The following SSH1 variants were observed in gnomAD, a reference collection of about 807,000 sequenced individuals.
The protein encoded by SSH1 is slingshot protein phosphatase 1, also known as protein phosphatase Slingshot homolog 1.
SSH1 carries 43 observed loss-of-function variants against 79.7 expected under a neutral mutation model. The ratio of observed to expected loss-of-function variants is 0.54; its 90% CI spans 0.42 to 0.70. The LOEUF is 0.70. Among genes scored for constraint, SSH1 ranks in the 30% least tolerant of loss-of-function variants. SSH1 has a pLI of 0.00. For synonymous variants in SSH1, 599 were observed against 538.3 expected (o/e 1.11, Z -1.56); for missense variants, 1,206 against 1,358.8 (o/e 0.89, Z 1.77).
chr12:108,852,690 G>T lies in SSH1; in HGVS notation c.70-12C>A. 1 of 1,614,120 alleles carries T rather than the reference G, an allele frequency of 6.2e-7. No individual in the cohort carries two copies. Among genetic ancestry groups the T allele is most frequent in the Non-Finnish European group, 8.5e-7 (1 of 1,180,032 alleles). On this transcript the variant is annotated splice_polypyrimidine_tract_variant and intron_variant, in intron 1 of 14. Coordinates refer to ENST00000326495, the MANE Select transcript of SSH1 (RefSeq NM_018984.4). ...CTGCCAGCCTCCAACTACAGAGAAAGAAAGAGAATATCACACCACAGGCAC... is the reference window on the plus strand; with the variant it reads ...CTGCCAGCCTCCAACTACAGAGAAATAAAGAGAATATCACACCACAGGCAC...
rs1549087 is a variant in SSH1 at position 108,807,550 on chromosome 12, T to C, written c.731+83A>G. ...CAGGGGAGGTGTGGCCCAATGCAGG[T>C]TCAGGGTCGGGCACAGGGCAGGTGG... On this transcript the variant is annotated intron_variant, in intron 8 of 14. Transcript: ENST00000326495. This position sits in a 1 kb window ranked among gnomAD's most constrained non-coding sequence, Gnocchi z 5.2. The C allele has an allele frequency of 0.089, 123,277 of 1,385,996 alleles. 9,852 individuals are homozygous for C. Among genetic ancestry groups the C allele is most frequent in the Admixed American group, 0.35 (20,323 of 58,228 alleles). 85.9% of individuals were successfully genotyped at this position (1,385,996 alleles called of 1,614,324 possible).
chr12:108,781,750 GAC>G lies in SSH1; in HGVS notation c.*6236_*6237del. 1 of 152,166 alleles carries G rather than the reference GAC, an allele frequency of 6.6e-6. No individual in the cohort carries two copies. The highest frequency in any genetic ancestry group is 1.9e-4 in the East Asian group (1 of 5,192). The allele number at this position is 152,166 out of a possible 1,614,324, so 9.4% of individuals were successfully genotyped here. A position where few individuals can be genotyped will look rare whatever the true frequency, so the allele number is the denominator to read the frequency against. ...AAGTAGAAATGATGTATCGCATCCA[GAC>G]AGAGGAGACTGAGTGAATGTGACTC... is the stretch of plus-strand genomic sequence containing the variant. On this transcript the variant is annotated 3_prime_UTR_variant, in exon 15 of 15. Transcript: ENST00000326495.
rs1039447976 is a variant in SSH1, at chr12:108,807,966, C to T, written c.537-139G>A. The T allele has an allele frequency of 4.4e-5, 34 of 778,570 alleles. No individual in the cohort carries two copies. The Admixed American group carries it at 5.4e-4, about 12-fold the overall frequency. 48.2% of individuals were successfully genotyped at this position (778,570 alleles called of 1,614,324 possible). ...ATTATTTCTTTTTGGGACAGAGTCT[C>T]GCTCTGTCACTCCCAGGCTAGAGTG... On this transcript the variant is annotated intron_variant, in intron 7 of 14. Transcript: ENST00000326495. This position sits in a 1 kb window ranked among gnomAD's most constrained non-coding sequence, Gnocchi z 5.2.
chr12:108,801,735 T>TAAAAAAAAAA (rs1565980475), intron 11 of SSH1, among the ~76,000 whole-genome samples: 2 of 137,186 alleles, frequency 1.5e-5, no homozygotes, highest in African/African-American at 5.2e-5. Flanking sequence ...CTGTGTTGTT[T>TAAAAAAAAAA]TAAAAAAAAA....
At chr12:108,847,920 G>A (rs2038934901) in intron 2 of SSH1, among the ~76,000 whole-genome samples, 1 of 152,220 alleles carries the variant, frequency 6.6e-6, no homozygotes, top group Non-Finnish European at 1.5e-5. Context: ...TTTCTCTGAA[G>A]AGAGGGAAAT....
At position 108,857,234 on chromosome 12, in the gene SSH1, C is replaced by A. The variant is rs2039163185; in HGVS notation, c.69+194G>T. Among the ~76,000 whole-genome samples, 2 of 152,058 alleles carry A rather than the reference C, an allele frequency of 1.3e-5. No homozygotes were observed. The highest frequency in any genetic ancestry group is 1.3e-4 in the Admixed American group (2 of 15,280). On this transcript the variant is annotated intron_variant, in intron 1 of 14. Transcript: ENST00000326495. This position sits in a 1 kb window ranked among gnomAD's most constrained non-coding sequence, Gnocchi z 4.7. ...CACCGCACACAAAGTCCCCGCACAG[C>A]TCCCCAAGACAGGGTCACATCGCAC...
chr12:108,789,362 G>T (rs1401375384), intron 14 of SSH1, 118 bp from the exon 15 acceptor site: 12 of 1,070,432 alleles, frequency 1.1e-5, no homozygotes, highest in Non-Finnish European at 2.8e-6. Context: ...GCCTGGAGGG[G>T]AGGCTCTCAT....
At chr12:108,826,808 C>T (rs544233391) in intron 2 of SSH1, among the ~76,000 whole-genome samples, 14 of 152,196 alleles carry the variant, frequency 9.2e-5, no homozygotes, top group Non-Finnish European at 2.1e-4. Context: ...GGTGATGGCA[C>T]GCTCACTTTA....
chr12:108,791,927 G>T, intron 14 of SSH1: 1 of 1,309,088 alleles, frequency 7.6e-7, no homozygotes. Context: ...GCTGAAGTTG[G>T]CTGATAAATT....
intron 2 of SSH1, among the ~76,000 whole-genome samples, chr12:108,848,146 G>C (rs2038941658): frequency 6.6e-6 from 1 of 152,164 alleles, no homozygotes; most frequent in Non-Finnish European, 1.5e-5. Context: ...GAAGCATCAA[G>C]GGACCAGGGG....
intron 2 of SSH1, among the ~76,000 whole-genome samples, chr12:108,835,977 A>T (rs2038606822): frequency 6.8e-6 from 1 of 147,388 alleles, no homozygotes; most frequent in Non-Finnish European, 1.5e-5. Flanking sequence ...ATATTAATAT[A>T]ATCGATTATA....
intron 2 of SSH1, among the ~76,000 whole-genome samples, chr12:108,850,764 G>A: frequency 7.4e-6 from 1 of 134,816 alleles, no homozygotes; most frequent in East Asian, 2.3e-4. Flanking sequence ...GGGAGTCGGG[G>A]GAGGGGAACC....
Position 108,781,367 on chromosome 12 carries a change from G to T in SSH1, c.*6621C>A, listed in dbSNP as rs1377403008. On this transcript the variant is annotated 3_prime_UTR_variant, in exon 15 of 15. Transcript: ENST00000326495. Reference sequence around the variant, plus strand: ...GCCCAGGAGATCAACACTTCAGTGAGCCATGACTGCCACTGCACTCCAGGC... The same window carrying T: ...GCCCAGGAGATCAACACTTCAGTGATCCATGACTGCCACTGCACTCCAGGC... 1.3e-5 allele frequency: 2 copies of T among 152,214 alleles called. No homozygotes were observed. Among genetic ancestry groups the T allele is most frequent in the East Asian group, 3.8e-4 (2 of 5,206 alleles). The allele number at this position is 152,214 out of a possible 1,614,324, so 9.4% of individuals were successfully genotyped here. A position where few individuals can be genotyped will look rare whatever the true frequency, so the allele number is the denominator to read the frequency against.
At position 108,852,626 on chromosome 12, in the gene SSH1, A is replaced by G; in HGVS notation, c.110+12T>C. On this transcript the variant is annotated intron_variant, in intron 2 of 14. Coordinates refer to ENST00000326495, the MANE Select transcript of SSH1 (RefSeq NM_018984.4). ...AGAAAGACTTAGGAACAAGAATTGA[A>G]AGTCTGCTTACCTGAGGTTTAATTT... is the stretch of plus-strand genomic sequence containing the variant. 6.2e-7 allele frequency: 1 copy of G among 1,614,066 alleles called. No homozygotes were observed. Among genetic ancestry groups the G allele is most frequent in the East Asian group, 2.2e-5 (1 of 44,882 alleles).
At chr12:108,790,226 C>CGTTG (rs1200946262) in intron 14 of SSH1, among the ~76,000 whole-genome samples, 1 of 151,774 alleles carries the variant, frequency 6.6e-6, no homozygotes, top group Non-Finnish European at 1.5e-5. Flanking sequence ...TCTTGTCTCA[C>CGTTG]TGCAACCTCT....
intron 8 of SSH1, among the ~76,000 whole-genome samples, chr12:108,806,828 C>T (rs944993875): frequency 7.9e-5 from 12 of 152,226 alleles, no homozygotes; most frequent in African/African-American, 2.9e-4. Context: ...TATTTCCCTG[C>T]TCTGGTTTTA....
chr12:108,849,052 G>A (rs931473711), intron 2 of SSH1, among the ~76,000 whole-genome samples: 1 of 152,126 alleles, frequency 6.6e-6, no homozygotes, highest in South Asian at 2.1e-4. Context: ...CCAGAAAGGC[G>A]GCAGAGTAGG....
chr12:108,817,189 C>T (rs2037927984), intron 4 of SSH1, 30 bp from the exon 5 acceptor site: 2 of 1,611,960 alleles, frequency 1.2e-6, no homozygotes, highest in South Asian at 1.1e-5. Flanking sequence ...CTCTCACTAA[C>T]CTGCCTTTGG....
At chr12:108,816,584 G>T (rs911677509) in intron 5 of SSH1, among the ~76,000 whole-genome samples, 1 of 152,158 alleles carries the variant, frequency 6.6e-6, no homozygotes, top group Non-Finnish European at 1.5e-5. Flanking sequence ...GGGAATCAGT[G>T]GAGTATCACT....
Sources: gnomAD v4.1 joint callset for allele counts (sites outside exome capture counted in the v4.1 genomes callset) on GRCh38, gnomAD v4.1.1 for gene constraint, Gnocchi (gnomAD v3.1) non-coding constraint, MANE v1.5 for transcripts, NCBI Gene and HGNC (gene_info 2026-07-23, HGNC 2026-07-21) for gene names.